Variants in DOCK2 observed in about 807,000 individuals in gnomAD.
DOCK2 encodes dedicator of cytokinesis 2.
In DOCK2, 87 loss-of-function variants were observed where a neutral mutation model predicts 248.9. The ratio of observed to expected loss-of-function variants is 0.35; its 90% CI spans 0.29 to 0.42. The LOEUF (loss-of-function observed/expected upper bound fraction) is 0.42. Ranked by LOEUF, DOCK2 falls within the 10% of genes least tolerant of loss-of-function variation. The pLI is 1.00. For synonymous variants in DOCK2, 805 were observed against 821.6 expected, an observed-to-expected ratio of 0.98 and a Z score of 0.35; for missense variants, 1,747 against 2,300.2, an observed-to-expected ratio of 0.76 and a Z score of 4.92.
intron 29 of DOCK2, among the ~76,000 whole-genome samples, chr5:169,986,213 A>G (rs1355324302): frequency 6.6e-6 from 1 of 152,202 alleles, no homozygotes; most frequent in African/African-American, 2.4e-5. Context: ...CATTTTAAAA[A>G]TATATTATTT....
At chr5:170,067,451 T>A in intron 44 of DOCK2, 59 bp from the exon 45 acceptor site, 1 of 1,537,174 alleles carries the variant, frequency 6.5e-7, no homozygotes, top group Non-Finnish European at 8.9e-7. Context: ...ACCAATAATA[T>A]CTGTTTTTAA....
chr5:169,654,474 G>C lies in DOCK2; in HGVS notation c.115G>C (p.Glu39Gln). The C allele has an allele frequency of 6.2e-7, 1 of 1,614,148 alleles. No homozygotes were observed. The highest frequency in any genetic ancestry group is 8.5e-7 in the Non-Finnish European group (1 of 1,180,024). Reference sequence around the variant, plus strand: ...GATCGGCGATGTGGTGCGAATACAGGAGACGTGTGGAGGTGAGTCACTGGC... The same window carrying C: ...GATCGGCGATGTGGTGCGAATACAGCAGACGTGTGGAGGTGAGTCACTGGC... ...LQIGDVVRIQ[E>Q]TCGDWYRGYL... The change falls in exon 2 of 52, where the codon GAG becomes CAG. Residue 39 changes from glutamate to glutamine, a missense_variant. By Grantham distance (29) the Glu-to-Gln change is conservative. Coordinates refer to ENST00000520908, the MANE Select transcript of DOCK2 (RefSeq NM_004946.3).
At chr5:169,644,182 G>A (rs1757317257) in intron 1 of DOCK2, among the ~76,000 whole-genome samples, 1 of 152,200 alleles carries the variant, frequency 6.6e-6, no homozygotes, top group Non-Finnish European at 1.5e-5. Context: ...TCTGAATGGG[G>A]GAGGGGGACA....
At chr5:170,016,923 T>C (rs1478657443) in intron 32 of DOCK2, among the ~76,000 whole-genome samples, 1 of 152,182 alleles carries the variant, frequency 6.6e-6, no homozygotes, top group Non-Finnish European at 1.5e-5. Flanking sequence ...TGTTTTCTAT[T>C]TGGGCCAAAG....
At chr5:170,028,336 G>A (rs1019278622) in intron 34 of DOCK2, among the ~76,000 whole-genome samples, 6 of 152,160 alleles carry the variant, frequency 3.9e-5, no homozygotes, top group Admixed American at 3.9e-4. Flanking sequence ...ATTGTGCAAT[G>A]TGCTGTGTAA....
chr5:169,941,963 G>A (rs1181925120), intron 27 of DOCK2, among the ~76,000 whole-genome samples: 1 of 152,192 alleles, frequency 6.6e-6, no homozygotes, highest in Non-Finnish European at 1.5e-5. Flanking sequence ...CCATTCAGAA[G>A]TAAAACTGTA....
At chr5:170,037,490 T>TA (rs1756361928) in intron 36 of DOCK2, among the ~76,000 whole-genome samples, 1 of 151,028 alleles carries the variant, frequency 6.6e-6, no homozygotes, top group Non-Finnish European at 1.5e-5. Flanking sequence ...ATTTTTTTTT[T>TA]TTTTTTTTTT....
At chr5:170,029,388 G>T (rs1432856172) in intron 34 of DOCK2, among the ~76,000 whole-genome samples, 1 of 152,144 alleles carries the variant, frequency 6.6e-6, no homozygotes, top group Non-Finnish European at 1.5e-5. Flanking sequence ...CTTATGGGTC[G>T]CTTGTATATC....
chr5:169,946,269 C>T (rs1314916918), intron 27 of DOCK2, among the ~76,000 whole-genome samples: 1 of 152,180 alleles, frequency 6.6e-6, no homozygotes, highest in South Asian at 2.1e-4. Flanking sequence ...GTTCCAGCCC[C>T]CCACATCCAG....
chr5:169,854,792 A>G (rs1770803070), intron 27 of DOCK2, among the ~76,000 whole-genome samples: 1 of 152,250 alleles, frequency 6.6e-6, no homozygotes, highest in Non-Finnish European at 1.5e-5. Context: ...CCAGAGATGG[A>G]AATGACAATT....
At chr5:169,730,416 G>A (rs1052831739) in intron 22 of DOCK2, among the ~76,000 whole-genome samples, 2 of 152,168 alleles carry the variant, frequency 1.3e-5, no homozygotes, top group African/African-American at 4.8e-5. Context: ...GGTGAGCATA[G>A]GGGAGAACAG....
At chr5:169,708,131 C>G (rs1390211719) in intron 14 of DOCK2, 38 bp from the exon 15 acceptor site, 2 of 1,601,880 alleles carry the variant, frequency 1.2e-6, no homozygotes, top group Non-Finnish European at 1.7e-6. Context: ...AATGACAATT[C>G]TGTAGTCTTT....
chr5:170,080,149 G>A lies in DOCK2; in HGVS notation c.5167-14G>A. 1 of 1,613,774 alleles carries A rather than the reference G, an allele frequency of 6.2e-7. No homozygotes were observed. The highest frequency in any genetic ancestry group is 1.3e-5 in the African/African-American group (1 of 74,906). On this transcript the variant is annotated splice_polypyrimidine_tract_variant and intron_variant, in intron 49 of 51. Coordinates refer to ENST00000520908, the MANE Select transcript of DOCK2 (RefSeq NM_004946.3). ...CTTTGTGTGTGTGTGTGTGTGTCTG[G>A]TGTATTCCTCCAGCTTTCCAGGAAG...
At chr5:169,975,203 A>T (rs1426198648) in intron 27 of DOCK2, among the ~76,000 whole-genome samples, 1 of 152,224 alleles carries the variant, frequency 6.6e-6, no homozygotes, top group Non-Finnish European at 1.5e-5. Context: ...AAGAGTCAAC[A>T]TTTAAAACAT....
chr5:169,912,890 A>G (rs1351445117), intron 27 of DOCK2, among the ~76,000 whole-genome samples: 3 of 150,702 alleles, frequency 2.0e-5, no homozygotes, highest in Non-Finnish European at 4.4e-5. Context: ...ATTAGCATTT[A>G]TTGTTTGTAA....
chr5:169,824,105 C>T (rs1768673536), intron 26 of DOCK2, among the ~76,000 whole-genome samples: 1 of 152,038 alleles, frequency 6.6e-6, no homozygotes, highest in Admixed American at 6.5e-5. Flanking sequence ...CAAACCACTG[C>T]TCAATGAAAT....
chr5:169,985,820 T>A lies in DOCK2; in HGVS notation c.2899-8T>A. 1 of 1,603,998 alleles carries A rather than the reference T, an allele frequency of 6.2e-7. No homozygotes were observed. Among genetic ancestry groups the A allele is most frequent in the Non-Finnish European group, 8.5e-7 (1 of 1,174,044 alleles). The stretch of plus-strand genomic sequence containing the variant: ...GGATGACATGTGTGCTGTGCTTCAT[T>A]GTTTCAGGACTTCTTGATGGAGACC... On this transcript the variant is annotated splice_polypyrimidine_tract_variant and splice_region_variant and intron_variant, in intron 28 of 51. Coordinates refer to ENST00000520908, the MANE Select transcript of DOCK2 (RefSeq NM_004946.3).
At chr5:170,044,650 C>T (rs1756635353) in intron 38 of DOCK2, among the ~76,000 whole-genome samples, 2 of 152,236 alleles carry the variant, frequency 1.3e-5, no homozygotes, top group African/African-American at 2.4e-5. Flanking sequence ...CTTGATTCCT[C>T]TTCCCAGCAC....
At chr5:170,054,484 G>C (rs1023127028) in intron 41 of DOCK2, among the ~76,000 whole-genome samples, 1 of 152,218 alleles carries the variant, frequency 6.6e-6, no homozygotes, top group Admixed American at 6.5e-5. Context: ...CCCACATAGT[G>C]CTTTTCCAAT....
Sources: gnomAD v4.1 joint callset for allele counts (sites outside exome capture counted in the v4.1 genomes callset) on GRCh38, gnomAD v4.1.1 for gene constraint, MANE v1.5 for transcripts, NCBI Gene and HGNC (gene_info 2026-07-23, HGNC 2026-07-21) for gene names.